The following TIAM2 variants were observed in gnomAD, a reference collection of about 807,000 sequenced individuals.
The protein encoded by TIAM2 is rho guanine nucleotide exchange factor TIAM2.
Under a neutral mutation model 152.9 loss-of-function variants are expected in TIAM2, and 80 were observed. The ratio of observed to expected loss-of-function variants is 0.52; its 90% CI spans 0.44 to 0.63. The LOEUF (loss-of-function observed/expected upper bound fraction) is 0.63. Ranked by LOEUF, TIAM2 falls within the 30% of genes least tolerant of loss-of-function variation. The pLI, the probability that TIAM2 is intolerant of heterozygous loss-of-function variation, is 0.00. For synonymous variants in TIAM2, 804 were observed against 838.0 expected, an observed-to-expected ratio of 0.96 and a Z score of 0.70; for missense variants, 1,965 against 2,120.1, an observed-to-expected ratio of 0.93 and a Z score of 1.44.
At chr6:155,029,476 G>C (rs1294619442) in intron 1 of TIAM2, among the ~76,000 whole-genome samples, 1 of 8,390 alleles carries the variant, frequency 1.2e-4, no homozygotes, top group East Asian at 5.7e-3. Flanking sequence ...ATATACTATA[G>C]TATATATACT....
In TIAM2 at chr6:155,189,998, C is replaced by T. The variant is rs181380852; in HGVS notation, c.3064+6498C>T. Among the ~76,000 whole-genome samples, 140 of 152,176 alleles carry T rather than the reference C, an allele frequency of 9.2e-4. 1 individual carries two copies. The highest frequency in any genetic ancestry group is 2.8e-4 in the Non-Finnish European group (19 of 68,014). On this transcript the variant is annotated intron_variant, in intron 14 of 26. Coordinates refer to ENST00000682666, the MANE Select transcript of TIAM2 (RefSeq NM_012454.4). ...GAAGACAGAGGCTGCATGTAGAGGT[C>T]ACGGGAAGAAAGGTTGGAAAGTCTA...
chr6:155,205,523 G>A (rs1253579403), intron 14 of TIAM2, among the ~76,000 whole-genome samples: 1 of 152,192 alleles, frequency 6.6e-6, no homozygotes, highest in Non-Finnish European at 1.5e-5. Context: ...AGGGTCTGCT[G>A]GCGGCCACCT....
In TIAM2 at chr6:155,081,598, A is replaced by G. The variant is rs184460938; in HGVS notation, c.-208-8691A>G. ...GGAACCATTCACACAGAGCCCAGGC[A>G]GGCAGAGGCTCCCTGAAAGCCACTT... On this transcript the variant is annotated intron_variant, in intron 1 of 26. Transcript: ENST00000682666. Among the ~76,000 whole-genome samples, 17 of 152,314 alleles carry G rather than the reference A, an allele frequency of 1.1e-4. No individual in the cohort carries two copies. In the East Asian group the frequency reaches 3.3e-3, roughly 29 times the overall value.
chr6:155,240,403 T>C, intron 15 of TIAM2, 127 bp from the exon 16 acceptor site: 1 of 931,212 alleles, frequency 1.1e-6, no homozygotes, highest in African/African-American at 1.6e-5. Flanking sequence ...TGAAACCCTT[T>C]GCCCTACACA....
At chr6:155,224,691 G>T (rs559594472) in intron 15 of TIAM2, among the ~76,000 whole-genome samples, 2 of 152,178 alleles carry the variant, frequency 1.3e-5, no homozygotes, top group Non-Finnish European at 2.9e-5. Context: ...AGCCTCCAGC[G>T]CATGCTGCCG....
intron 2 of TIAM2, among the ~76,000 whole-genome samples, chr6:155,120,233 G>C (rs1249911490): frequency 6.6e-6 from 1 of 152,212 alleles, no homozygotes; most frequent in Non-Finnish European, 1.5e-5. Flanking sequence ...CCGCAGATGG[G>C]TCTATCCATT....
At chr6:155,204,946 C>T (rs118160317) in intron 14 of TIAM2, among the ~76,000 whole-genome samples, 22 of 152,078 alleles carry the variant, frequency 1.4e-4, no homozygotes, top group African/African-American at 3.1e-4. Flanking sequence ...GCACCTTGAA[C>T]GCTGCGTCCT....
intron 12 of TIAM2, among the ~76,000 whole-genome samples, chr6:155,180,993 C>T (rs774441458): frequency 6.6e-6 from 1 of 152,008 alleles, no homozygotes; most frequent in African/African-American, 2.4e-5. Flanking sequence ...TTGTGGTTGC[C>T]ATTTGTGTTC....
At chr6:155,042,114 T>C (rs1311635443) in intron 1 of TIAM2, among the ~76,000 whole-genome samples, 1 of 151,892 alleles carries the variant, frequency 6.6e-6, no homozygotes, top group African/African-American at 2.4e-5. Flanking sequence ...TCTGGTCCTG[T>C]TGTAGGGGTT....
chr6:155,145,017 G>A (rs901533975), intron 6 of TIAM2, among the ~76,000 whole-genome samples: 2 of 152,190 alleles, frequency 1.3e-5, no homozygotes, highest in African/African-American at 4.8e-5. Flanking sequence ...TGTGGCCCAT[G>A]AGATGCTCAT....
At chr6:155,126,394 C>T (rs1223791736) in intron 2 of TIAM2, among the ~76,000 whole-genome samples, 2 of 152,094 alleles carry the variant, frequency 1.3e-5, no homozygotes, top group South Asian at 2.1e-4. Context: ...ATGTCGGTGA[C>T]GGTTGTACAA....
At chr6:155,234,736 G>T (rs2115285080) in intron 15 of TIAM2, among the ~76,000 whole-genome samples, 1 of 152,304 alleles carries the variant, frequency 6.6e-6, no homozygotes, top group African/African-American at 2.4e-5. Flanking sequence ...CATTCCTGGG[G>T]TGGGGGTGGA....
chr6:155,243,741 G>A (rs1397580796), intron 16 of TIAM2, among the ~76,000 whole-genome samples: 1 of 150,970 alleles, frequency 6.6e-6, no homozygotes, highest in East Asian at 2.0e-4. Context: ...CAGCTATGTG[G>A]GAGGCTGAGG....
chr6:155,242,452 G>T (rs141067330), intron 16 of TIAM2, among the ~76,000 whole-genome samples: 5 of 152,332 alleles, frequency 3.3e-5, no homozygotes, highest in African/African-American at 9.6e-5. Context: ...TCTCTGAGCG[G>T]TCTGGCGTGG....
chr6:155,194,049 G>A (rs934774379), intron 14 of TIAM2, among the ~76,000 whole-genome samples: 6 of 152,240 alleles, frequency 3.9e-5, no homozygotes, highest in African/African-American at 1.4e-4. Flanking sequence ...TACATATGGA[G>A]CAGCAACACA....
chr6:155,056,495 T>C (rs1777455891), intron 1 of TIAM2, among the ~76,000 whole-genome samples: 1 of 119,682 alleles, frequency 8.4e-6, no homozygotes, highest in South Asian at 3.3e-4. Context: ...TTTTGAGTCC[T>C]GGGAATTCAG....
At chr6:155,030,568 G>A (rs1227643034) in intron 1 of TIAM2, among the ~76,000 whole-genome samples, 3 of 152,140 alleles carry the variant, frequency 2.0e-5, no homozygotes, top group African/African-American at 7.2e-5. Flanking sequence ...TGCTCAAGGG[G>A]TGTCTGCTCA....
rs1310372655 is a variant in TIAM2 at position 155,130,029 on chromosome 6, C to G, written c.806C>G (p.Ala269Gly). 1 of 1,613,926 alleles carries G rather than the reference C, an allele frequency of 6.2e-7. No homozygotes were observed. The highest frequency in any genetic ancestry group is 2.2e-5 in the East Asian group (1 of 44,880). The change falls in exon 4 of 27, where the codon GCC becomes GGC. Residue 269 changes from alanine (A) to glycine (G), a missense_variant. Physicochemically the swap from Ala to Gly is moderately conservative, Grantham distance 60. Coordinates refer to ENST00000682666, the MANE Select transcript of TIAM2 (RefSeq NM_012454.4). ...ELSEAEGSFL[A>G]PGMPDPSLHA... is the part of the protein sequence containing the mutation. ...AGCGAGGCTGAGGGCTCCTTCCTGGCCCCCGGCATGCCTGACCCCAGTCTC... is the reference window on the plus strand; with the variant it reads ...AGCGAGGCTGAGGGCTCCTTCCTGGGCCCCGGCATGCCTGACCCCAGTCTC...
intron 15 of TIAM2, 106 bp from the exon 16 acceptor site, chr6:155,240,424 T>G: frequency 7.9e-7 from 1 of 1,259,780 alleles, no homozygotes; most frequent in Non-Finnish European, 1.1e-6. Context: ...GAGGCCCCTC[T>G]GAGATCCCTG....
Sources: allele counts gnomAD v4.1 joint callset (sites outside exome capture counted in the v4.1 genomes callset), GRCh38; gene constraint gnomAD v4.1.1; transcripts MANE v1.5; gene names NCBI Gene and HGNC (gene_info 2026-07-23, HGNC 2026-07-21).